EZH2: variants seen among roughly 807,000 people sequenced by gnomAD.
EZH2 encodes histone-lysine N-methyltransferase EZH2.
Under a neutral mutation model 98.4 loss-of-function variants are expected in EZH2, and 18 were observed. The observed-to-expected ratio is 0.18, with a 90% confidence interval of 0.13 to 0.27. The LOEUF (loss-of-function observed/expected upper bound fraction) is 0.27. Ranked by LOEUF, EZH2 falls within the 10% of genes least tolerant of loss-of-function variation. The probability of loss-of-function intolerance (pLI) is 1.00; values close to 1 mark genes in which losing one functional copy is unlikely to be tolerated. For synonymous variants in EZH2, 338 were observed against 312.3 expected, an observed-to-expected ratio of 1.08 and a Z score of -0.87; for missense variants, 470 against 935.1, an observed-to-expected ratio of 0.50 and a Z score of 6.49.
intron 3 of EZH2, among the ~76,000 whole-genome samples, chr7:148,844,224 G>A (rs1407088673): frequency 6.6e-6 from 1 of 152,146 alleles, no homozygotes; most frequent in Non-Finnish European, 1.5e-5. Context: ...ATATGTAGAT[G>A]GAAATGCTTA....
intron 3 of EZH2, among the ~76,000 whole-genome samples, chr7:148,840,193 A>C (rs1199120908): frequency 1.3e-5 from 2 of 152,322 alleles, no homozygotes; most frequent in Non-Finnish European, 1.5e-5. Flanking sequence ...TATTTGTAGG[A>C]ACTTCTACAG....
intron 1 of EZH2, among the ~76,000 whole-genome samples, chr7:148,880,121 CCA>C (rs1820757940): frequency 6.6e-6 from 1 of 152,106 alleles, no homozygotes; most frequent in African/African-American, 2.4e-5. Context: ...AAACTGCTAA[CCA>C]CATAATCTAA....
intron 1 of EZH2, among the ~76,000 whole-genome samples, chr7:148,871,562 C>T (rs894895641): frequency 1.0e-4 from 15 of 149,466 alleles, no homozygotes; most frequent in Admixed American, 9.3e-4. Flanking sequence ...TCACATCCCA[C>T]AAATAGTGTA....
chr7:148,844,607 T>G (rs1037474159), intron 3 of EZH2, among the ~76,000 whole-genome samples: 5 of 152,212 alleles, frequency 3.3e-5, no homozygotes, highest in African/African-American at 9.6e-5. Context: ...CGTGTGTGTG[T>G]GGTACTGTGG....
chr7:148,826,495 C>A lies in EZH2; in HGVS notation c.866G>T (p.Cys289Phe). 6.2e-7 allele frequency: 1 copy of A among 1,600,776 alleles called. No individual in the cohort carries two copies. Among genetic ancestry groups the A allele is most frequent in the Non-Finnish European group, 8.5e-7 (1 of 1,172,344 alleles). The change falls in exon 8 of 20, where the codon TGT becomes TTT. Residue 289 changes from cysteine to phenylalanine, a missense_variant. Cys to Phe is a radical substitution (Grantham distance 205). Coordinates refer to ENST00000320356, the MANE Select transcript of EZH2 (RefSeq NM_004456.5). ...HSFHTLFCRR[C>F]FKYDCFLHRK... ...ATGTAGGAAGCAGTCATATTTAAAA[C>A]ATCGCCTACAGAAAAGCGTATGAAA...
intron 4 of EZH2, among the ~76,000 whole-genome samples, chr7:148,831,785 T>C (rs1477233426): frequency 6.6e-6 from 1 of 152,226 alleles, no homozygotes; most frequent in Non-Finnish European, 1.5e-5. Context: ...TTTATTAGCC[T>C]TCCCACTTTA....
In EZH2 at chr7:148,809,290, C is replaced by A; in HGVS notation, c.2110+20G>T. The stretch of plus-strand genomic sequence containing the variant: ...CAGGACTGAAAAGGGAGTTCCAATT[C>A]TCACGTCAAAGGTACCTACCTTTTG... On this transcript the variant is annotated intron_variant, in intron 18 of 19. Coordinates refer to ENST00000320356, the MANE Select transcript of EZH2 (RefSeq NM_004456.5). 1 of 1,598,356 alleles carries A rather than the reference C, an allele frequency of 6.3e-7. No homozygotes were observed. Among genetic ancestry groups the A allele is most frequent in the East Asian group, 2.2e-5 (1 of 44,450 alleles).
At chr7:148,829,635 T>C (rs934342317) in intron 5 of EZH2, 93 bp downstream of exon 5, 3 of 1,386,360 alleles carry the variant, frequency 2.2e-6, no homozygotes, top group Admixed American at 2.4e-5. Context: ...AATTTTAATA[T>C]TAAAATTTTT....
At position 148,807,547 on chromosome 7, in the gene EZH2, A is replaced by ATT; in HGVS notation, c.*97_*98dup. 9.7e-7 allele frequency: 1 copy of ATT among 1,032,950 alleles called. No homozygotes were observed. The highest frequency in any genetic ancestry group is 1.5e-6 in the Non-Finnish European group (1 of 680,052). The allele number at this position is 1,032,950 out of a possible 1,614,324, so 64.0% of individuals were successfully genotyped here. On this transcript the variant is annotated 3_prime_UTR_variant, in exon 20 of 20. Coordinates refer to ENST00000320356, the MANE Select transcript of EZH2 (RefSeq NM_004456.5). ...TCTTACAGTACTTTGCAAATTCAGA[A>ATT]TTTCAAACTGCATGTTCTTTTTCTA...
At chr7:148,840,048 A>C (rs1443277030) in intron 3 of EZH2, among the ~76,000 whole-genome samples, 1 of 152,212 alleles carries the variant, frequency 6.6e-6, no homozygotes, top group Non-Finnish European at 1.5e-5. Context: ...TAAGATTGAT[A>C]ATATTGTGTT....
At chr7:148,875,771 T>C (rs2129493893) in intron 1 of EZH2, among the ~76,000 whole-genome samples, 1 of 152,342 alleles carries the variant, frequency 6.6e-6, no homozygotes, top group South Asian at 2.1e-4. Flanking sequence ...TGATAGCAGC[T>C]TTATCAACAG....
intron 8 of EZH2, among the ~76,000 whole-genome samples, chr7:148,825,195 ACT>A (rs1022146405): frequency 6.6e-6 from 1 of 152,218 alleles, no homozygotes; most frequent in East Asian, 1.9e-4. Flanking sequence ...CTTAATAAAA[ACT>A]CGATGTAATT....
intron 1 of EZH2, among the ~76,000 whole-genome samples, chr7:148,867,270 G>A (rs1281911912): frequency 6.6e-6 from 1 of 151,980 alleles, no homozygotes; most frequent in Non-Finnish European, 1.5e-5. Context: ...AGGTTGCAGT[G>A]GGCCGAGATC....
At chr7:148,807,875 C>G (rs1801932767) in intron 19 of EZH2, among the ~76,000 whole-genome samples, 169 bp from the exon 20 acceptor site, 1 of 150,324 alleles carries the variant, frequency 6.7e-6, no homozygotes. Flanking sequence ...ACGGCACATT[C>G]ATAGAAGGCA....
intron 13 of EZH2, 135 bp from the exon 14 acceptor site, chr7:148,815,174 C>A (rs906524237): frequency 1.7e-6 from 2 of 1,162,496 alleles, no homozygotes; most frequent in African/African-American, 1.6e-5. Context: ...CATAACATTA[C>A]ACATATTCCG....
Position 148,843,949 on chromosome 7 carries a change from TG to T in EZH2, c.246+2520del, listed in dbSNP as rs200535804. 5.9e-3 allele frequency among the ~76,000 whole-genome samples: 902 copies of T among 152,338 alleles called. 35 individuals carry two copies. The highest frequency in any genetic ancestry group is 0.052 in the Admixed American group (797 of 15,300). ...AAAGAACTAAAAATTGTCATTGATT[TG>T]TCATGCTGCAGAGGATTTAAATTGA... On this transcript the variant is annotated intron_variant, in intron 3 of 19. Transcript: ENST00000320356.
chr7:148,828,605 A>G (rs1429999757), intron 6 of EZH2, 135 bp downstream of exon 6: 5 of 1,175,902 alleles, frequency 4.3e-6, no homozygotes, highest in African/African-American at 1.5e-5. Context: ...GTTAATTTTG[A>G]TTATACTGCT....
At chr7:148,861,411 G>A (rs568946359) in intron 1 of EZH2, among the ~76,000 whole-genome samples, 3 of 151,898 alleles carry the variant, frequency 2.0e-5, no homozygotes, top group African/African-American at 7.3e-5. Flanking sequence ...ATTTTTAGTA[G>A]AGACAGGGTT....
intron 1 of EZH2, among the ~76,000 whole-genome samples, chr7:148,853,733 A>G (rs1490103535): frequency 6.6e-6 from 1 of 152,260 alleles, no homozygotes; most frequent in Admixed American, 6.5e-5. Context: ...CATGTTCAGT[A>G]CACACACTTT....
Sources: allele counts gnomAD v4.1 joint callset (sites outside exome capture counted in the v4.1 genomes callset), GRCh38; gene constraint gnomAD v4.1.1; transcripts MANE v1.5; gene names NCBI Gene and HGNC (gene_info 2026-07-23, HGNC 2026-07-21).